FTO: variants seen among roughly 807,000 people sequenced by gnomAD.
FTO encodes the protein FTO alpha-ketoglutarate dependent dioxygenase.
FTO carries 47 observed loss-of-function variants against 63.9 expected under a neutral mutation model. That is an observed-to-expected ratio of 0.74 (90% CI 0.58 to 0.94). The LOEUF (loss-of-function observed/expected upper bound fraction) is 0.94. Ranked by LOEUF, FTO falls within the 40% of genes least tolerant of loss-of-function variation. FTO has a pLI of 0.00. For missense variants in FTO, 562 were observed against 618.1 expected, an observed-to-expected ratio of 0.91 and a Z score of 0.96; for synonymous variants, 207 against 224.4, an observed-to-expected ratio of 0.92 and a Z score of 0.69.
intron 8 of FTO, among the ~76,000 whole-genome samples, chr16:53,942,299 A>G (rs961640970): frequency 2.0e-5 from 3 of 152,172 alleles, no homozygotes; most frequent in Admixed American, 1.3e-4. Flanking sequence ...TTATTCCAGC[A>G]TGAGCAAAGA....
intron 8 of FTO, among the ~76,000 whole-genome samples, chr16:53,987,144 T>C (rs777058411): frequency 3.3e-5 from 5 of 152,120 alleles, no homozygotes; most frequent in Non-Finnish European, 5.9e-5. Flanking sequence ...AAAAAAAGGA[T>C]ATACAGAGCA....
chr16:54,074,869 G>A (rs528129059), intron 8 of FTO, among the ~76,000 whole-genome samples: 1 of 151,260 alleles, frequency 6.6e-6, no homozygotes, highest in African/African-American at 2.4e-5. Context: ...CTGTTTTTCT[G>A]TAGCTTTAAC....
intron 1 of FTO, among the ~76,000 whole-genome samples, chr16:53,743,093 A>G (rs1246235212): frequency 6.6e-6 from 1 of 152,192 alleles, no homozygotes; most frequent in Non-Finnish European, 1.5e-5. Flanking sequence ...TCTCCTTTCC[A>G]CTGTCAGGCT....
chr16:53,738,049 G>C (rs1221161854), intron 1 of FTO, among the ~76,000 whole-genome samples: 1 of 138,528 alleles, frequency 7.2e-6, no homozygotes, highest in South Asian at 2.2e-4. Context: ...TTTTGAGATG[G>C]AGTTTTGCTC....
rs138919117 is a variant in FTO at position 54,058,330 on chromosome 16, C to T, written c.1365-53432C>T. On this transcript the variant is annotated intron_variant, in intron 8 of 8. Transcript: ENST00000471389. Reference sequence around the variant, plus strand: ...TAGAGATGGGGTTTTGCCATGTTGGCCAGGCTAGTCTCGAACTCCTGACTT... The same window carrying T: ...TAGAGATGGGGTTTTGCCATGTTGGTCAGGCTAGTCTCGAACTCCTGACTT... 7.8e-3 allele frequency among the ~76,000 whole-genome samples: 1,184 copies of T among 152,172 alleles called. 14 individuals carry two copies. The highest frequency in any genetic ancestry group is 0.027 in the African/African-American group (1,123 of 41,520).
chr16:54,102,895 G>A (rs1343625157), intron 8 of FTO, among the ~76,000 whole-genome samples: 1 of 152,152 alleles, frequency 6.6e-6, no homozygotes, highest in Non-Finnish European at 1.5e-5. Context: ...GCTTATGCTT[G>A]TAATCTTGAC....
In FTO at chr16:53,976,341, T is replaced by G. The variant is rs555271106; in HGVS notation, c.1364+42232T>G. Among the ~76,000 whole-genome samples, 3 of 152,272 alleles carry G rather than the reference T, an allele frequency of 2.0e-5. No individual in the cohort carries two copies. The South Asian group carries it at 6.2e-4, about 32-fold the overall frequency. ...GTAGGGATTAACTTTATTATTAGGT[T>G]TTCAAATGGACGGGCAATTGGCACA... On this transcript the variant is annotated intron_variant, in intron 8 of 8. Coordinates refer to ENST00000471389, the MANE Select transcript of FTO (RefSeq NM_001080432.3).
intron 7 of FTO, among the ~76,000 whole-genome samples, chr16:53,900,851 C>T (rs771109753): frequency 1.3e-5 from 2 of 152,058 alleles, no homozygotes; most frequent in African/African-American, 4.8e-5. Flanking sequence ...CAGACCTGCT[C>T]GCAAACTTGA....
chr16:54,044,872 G>A lies in FTO; in HGVS notation c.1365-66890G>A, dbSNP rs1181766134. On this transcript the variant is annotated intron_variant, in intron 8 of 8. Coordinates refer to ENST00000471389, the MANE Select transcript of FTO (RefSeq NM_001080432.3). ...CCTGAATGACTACCGGGTACATAAC[G>A]AAATGAAGGCAGAAATAAAGATGTT... 8.2e-5 allele frequency among the ~76,000 whole-genome samples: 8 copies of A among 97,780 alleles called. 1 individual carries two copies. Among genetic ancestry groups the A allele is most frequent in the Non-Finnish European group, 1.4e-4 (8 of 56,788 alleles). 64.1% of individuals were successfully genotyped at this position (97,780 alleles called of 152,430 possible).
chr16:53,914,829 CA>C (rs1367430092), intron 7 of FTO, among the ~76,000 whole-genome samples: 3 of 152,156 alleles, frequency 2.0e-5, no homozygotes, highest in Non-Finnish European at 2.9e-5. Context: ...CTTTCTCTAA[CA>C]GCAGTAATTC....
At chr16:53,784,201 G>A (rs961326433) in intron 1 of FTO, among the ~76,000 whole-genome samples, 2 of 152,128 alleles carry the variant, frequency 1.3e-5, no homozygotes, top group African/African-American at 4.8e-5. Context: ...TCAGCACATT[G>A]TTCTGTTTCA....
At chr16:53,796,189 CAT>C (rs2078066625) in intron 1 of FTO, among the ~76,000 whole-genome samples, 1 of 151,878 alleles carries the variant, frequency 6.6e-6, no homozygotes, top group Non-Finnish European at 1.5e-5. Flanking sequence ...GGATTACAGA[CAT>C]GTGCCACCAT....
intron 8 of FTO, among the ~76,000 whole-genome samples, chr16:54,009,735 C>A (rs1449706786): frequency 1.3e-5 from 2 of 152,120 alleles, no homozygotes; most frequent in Non-Finnish European, 2.9e-5. Flanking sequence ...CCACTACTAC[C>A]CTATCCCACC....
At chr16:53,937,184 C>G (rs2082409316) in intron 8 of FTO, 1 of 398,548 alleles carries the variant, frequency 2.5e-6, no homozygotes, top group East Asian at 3.6e-5. Flanking sequence ...CTTCTCCAAG[C>G]TTCGTAATCC....
At chr16:53,828,019 A>G (rs1386984810) in intron 3 of FTO, among the ~76,000 whole-genome samples, 1 of 152,208 alleles carries the variant, frequency 6.6e-6, no homozygotes, top group Non-Finnish European at 1.5e-5. Flanking sequence ...CCCGTGGGTG[A>G]TCAAGTAGTT....
At chr16:54,104,986 G>A (rs1385655430) in intron 8 of FTO, among the ~76,000 whole-genome samples, 1 of 152,112 alleles carries the variant, frequency 6.6e-6, no homozygotes, top group African/African-American at 2.4e-5. Flanking sequence ...ACATTTATAT[G>A]GTAGTTTACA....
In FTO at chr16:53,802,178, T is replaced by A. The variant is rs973736042; in HGVS notation, c.46-7962T>A. Among the ~76,000 whole-genome samples the A allele has an allele frequency of 2.1e-4, 32 of 152,238 alleles. 1 individual carries two copies. The highest frequency in any genetic ancestry group is 5.9e-5 in the Non-Finnish European group (4 of 68,050). On this transcript the variant is annotated intron_variant, in intron 1 of 8. Transcript: ENST00000471389. ...ATATAAAAATTCATGGATTCTCAAG[T>A]CACTTATATAAAATGGCATGTCGCA...
chr16:53,727,300 C>T (rs1227563066), intron 1 of FTO, among the ~76,000 whole-genome samples: 2 of 152,182 alleles, frequency 1.3e-5, no homozygotes, highest in South Asian at 4.1e-4. Context: ...AGATGCTAGT[C>T]CAGTGGTGCC....
chr16:53,804,645 T>G (rs1358813088), intron 1 of FTO, among the ~76,000 whole-genome samples: 2 of 151,538 alleles, frequency 1.3e-5, no homozygotes, highest in African/African-American at 4.8e-5. Flanking sequence ...TTTTTTTTTT[T>G]TTTTTGAGAA....
Sources: gnomAD v4.1 joint callset for allele counts (sites outside exome capture counted in the v4.1 genomes callset) on GRCh38, gnomAD v4.1.1 for gene constraint, MANE v1.5 for transcripts, NCBI Gene and HGNC (gene_info 2026-07-23, HGNC 2026-07-21) for gene names.